DGKB: variants seen among roughly 807,000 people sequenced by gnomAD.
The protein encoded by DGKB is diacylglycerol kinase beta.
In DGKB, 67 loss-of-function variants were observed where a neutral mutation model predicts 114.3. The ratio of observed to expected loss-of-function variants is 0.59; its 90% CI spans 0.48 to 0.72. The LOEUF (loss-of-function observed/expected upper bound fraction) is 0.72. DGKB is among the 30% of genes least tolerant of loss of function. The pLI is 0.00. For synonymous variants in DGKB, 398 were observed against 323.1 expected, an observed-to-expected ratio of 1.23 and a Z score of -2.49; for missense variants, 907 against 975.2, an observed-to-expected ratio of 0.93 and a Z score of 0.93.
intron 1 of DGKB, among the ~76,000 whole-genome samples, chr7:14,890,170 C>A (rs1780962687): frequency 1.3e-5 from 2 of 151,476 alleles, no homozygotes; most frequent in African/African-American, 4.8e-5. Flanking sequence ...TATTGTGTTC[C>A]AGACAAAATG....
At chr7:14,153,028 A>C (rs1298656774) in intron 25 of DGKB, among the ~76,000 whole-genome samples, 2 of 152,086 alleles carry the variant, frequency 1.3e-5, no homozygotes, top group African/African-American at 4.8e-5. Context: ...TAAAAGGGAT[A>C]GAAGAGGGTA....
intron 8 of DGKB, among the ~76,000 whole-genome samples, chr7:14,696,456 C>T (rs1186070624): frequency 7.2e-6 from 1 of 139,290 alleles, no homozygotes; most frequent in Non-Finnish European, 1.5e-5. Flanking sequence ...GATTGCGCCA[C>T]TGCAGTCCGC....
At chr7:14,918,026 C>T (rs1229355214) in intron 1 of DGKB, among the ~76,000 whole-genome samples, 1 of 151,964 alleles carries the variant, frequency 6.6e-6, no homozygotes, top group African/African-American at 2.4e-5. Flanking sequence ...TTAATTGATA[C>T]CGAAAAAGCA....
intron 2 of DGKB, among the ~76,000 whole-genome samples, chr7:14,766,641 C>A (rs1456603042): frequency 6.6e-6 from 1 of 151,710 alleles, no homozygotes; most frequent in Non-Finnish European, 1.5e-5. Flanking sequence ...GAAGCCTGGG[C>A]TGAAGAACGA....
intron 20 of DGKB, among the ~76,000 whole-genome samples, chr7:14,531,181 C>T (rs892833010): frequency 3.3e-5 from 5 of 151,190 alleles, no homozygotes; most frequent in African/African-American, 9.7e-5. Flanking sequence ...GAGGCTATTT[C>T]ATTGGACGCT....
chr7:14,414,354 A>C (rs1825373796), intron 21 of DGKB, among the ~76,000 whole-genome samples: 1 of 152,082 alleles, frequency 6.6e-6, no homozygotes, highest in Admixed American at 6.6e-5. Flanking sequence ...GAGAGTTGAA[A>C]AGACTCCTGT....
chr7:14,447,859 G>A (rs548116975), intron 21 of DGKB, among the ~76,000 whole-genome samples: 6 of 151,980 alleles, frequency 3.9e-5, no homozygotes, highest in East Asian at 1.9e-4. Flanking sequence ...CCTAATTTCC[G>A]CAGTTCACTG....
intron 23 of DGKB, among the ~76,000 whole-genome samples, chr7:14,223,105 A>G (rs1011704553): frequency 6.6e-6 from 1 of 151,574 alleles, no homozygotes; most frequent in African/African-American, 2.4e-5. Flanking sequence ...TCTGCCTTTG[A>G]TTAGGTTATT....
chr7:14,791,054 C>T (rs2128506986), intron 2 of DGKB, among the ~76,000 whole-genome samples: 1 of 152,138 alleles, frequency 6.6e-6, no homozygotes, highest in East Asian at 1.9e-4. Context: ...TGGTCTTGAA[C>T]TCCTATGCTA....
chr7:14,966,968 T>C (rs899786962), intron 1 of DGKB, among the ~76,000 whole-genome samples: 1 of 152,178 alleles, frequency 6.6e-6, no homozygotes, highest in Non-Finnish European at 1.5e-5. Context: ...GCATGAATTG[T>C]ACATTGTACA....
At chr7:14,381,639 C>G (rs983648483) in intron 21 of DGKB, among the ~76,000 whole-genome samples, 1 of 151,992 alleles carries the variant, frequency 6.6e-6, no homozygotes, top group South Asian at 2.1e-4. Flanking sequence ...TTAGAGATGC[C>G]CAGGCTGGAG....
At chr7:14,397,105 G>C (rs567611247) in intron 21 of DGKB, among the ~76,000 whole-genome samples, 1 of 151,890 alleles carries the variant, frequency 6.6e-6, no homozygotes, top group Non-Finnish European at 1.5e-5. Context: ...ATCTGCTAAG[G>C]GTTACATGTT....
intron 1 of DGKB, among the ~76,000 whole-genome samples, chr7:14,973,531 T>G (rs1038149435): frequency 6.9e-6 from 1 of 145,660 alleles, no homozygotes; most frequent in Non-Finnish European, 1.5e-5. Flanking sequence ...TTTTTTGTTT[T>G]TTTTTTCTTT....
chr7:14,852,157 T>C (rs1849435920), intron 1 of DGKB, among the ~76,000 whole-genome samples: 1 of 152,196 alleles, frequency 6.6e-6, no homozygotes, highest in Admixed American at 6.5e-5. Context: ...ACTGTTACTA[T>C]TCCAGTTATT....
intron 8 of DGKB, among the ~76,000 whole-genome samples, chr7:14,695,815 T>C (rs941942043): frequency 6.6e-6 from 1 of 151,724 alleles, no homozygotes; most frequent in Non-Finnish European, 1.5e-5. Flanking sequence ...CCCATTTCTC[T>C]TTATTTATAT....
At chr7:14,749,619 A>T (rs1723242) in intron 4 of DGKB, among the ~76,000 whole-genome samples, 4,734 of 152,252 alleles carry the variant, frequency 0.031, 223 homozygotes, top group African/African-American at 0.11. Context: ...ATCTATAGCT[A>T]ACTGTTTTAT....
intron 21 of DGKB, among the ~76,000 whole-genome samples, chr7:14,421,163 C>A (rs559771745): frequency 1.3e-5 from 2 of 152,162 alleles, no homozygotes; most frequent in African/African-American, 4.8e-5. Context: ...ATTTTGTAAC[C>A]AGGGCTCCTG....
chr7:14,752,693 C>A (rs985036985), intron 4 of DGKB, among the ~76,000 whole-genome samples: 1 of 152,170 alleles, frequency 6.6e-6, no homozygotes, highest in Non-Finnish European at 1.5e-5. Context: ...GAAACTCACT[C>A]TGCTGACTCT....
intron 21 of DGKB, among the ~76,000 whole-genome samples, chr7:14,442,292 A>T (rs561137297): frequency 6.6e-6 from 1 of 152,116 alleles, no homozygotes; most frequent in East Asian, 1.9e-4. Flanking sequence ...TTTCAAGTAC[A>T]CTGAAATAAA....
Sources: gnomAD v4.1 joint callset for allele counts (sites outside exome capture counted in the v4.1 genomes callset) on GRCh38, gnomAD v4.1.1 for gene constraint, MANE v1.5 for transcripts, NCBI Gene and HGNC (gene_info 2026-07-23, HGNC 2026-07-21) for gene names.